Variants in MYO10 observed in about 807,000 individuals in gnomAD.
MYO10 encodes the protein myosin X, also known as unconventional myosin-X.
In MYO10, 133 loss-of-function variants were observed where a neutral mutation model predicts 257.3. The observed-to-expected ratio is 0.52, with a 90% CI of 0.45 to 0.60. MYO10 has a LOEUF of 0.60. MYO10 is among the 20% of genes least tolerant of loss of function. MYO10 has a pLI of 0.00. For synonymous variants in MYO10, 1,104 were observed against 1,028.6 expected (o/e 1.07, Z -1.40); for missense variants, 2,399 against 2,635.7 (o/e 0.91, Z 1.97).
Position 16,671,637 on chromosome 5 carries a change from A to G in MYO10, c.5310-95T>C, listed in dbSNP as rs954043857. The G allele has an allele frequency of 2.7e-6, 4 of 1,464,398 alleles. No individual in the cohort carries two copies. The African/African-American group carries it at 5.6e-5, about 21-fold the overall frequency. The allele number at this position is 1,464,398 out of a possible 1,614,324, so 90.7% of individuals were successfully genotyped here. A position where few individuals can be genotyped will look rare whatever the true frequency, so the allele number is the denominator to read the frequency against. On this transcript the variant is annotated intron_variant, in intron 37 of 40. Coordinates refer to ENST00000513610, the MANE Select transcript of MYO10 (RefSeq NM_012334.3). ...ACTTTACATGGTGTATTCTAAGGACACAGACATTCTGTCCGGGCCCAGAAA... is the reference window on the plus strand; with the variant it reads ...ACTTTACATGGTGTATTCTAAGGACGCAGACATTCTGTCCGGGCCCAGAAA...
At chr5:16,908,088 C>T (rs1307803557) in intron 1 of MYO10, among the ~76,000 whole-genome samples, 1 of 152,082 alleles carries the variant, frequency 6.6e-6, no homozygotes, top group African/African-American at 2.4e-5. Flanking sequence ...CAAACATCAG[C>T]TGGGTGTGGT....
At position 16,703,101 on chromosome 5, in the gene MYO10, T is replaced by A. The variant is rs765160803; in HGVS notation, c.2334A>T (p.Ala778=). The change falls in exon 23 of 41, where the codon GCA becomes GCT. Residue 778 remains alanine (A), a synonymous_variant. Transcript: ENST00000513610. The part of the protein sequence containing the change: ...CVVIIQKNYR[A]FLLRRRFLHL... Reference sequence around the variant, plus strand: ...GCAAAAATCTCCTCCTCAGAAGGAATGCTCTGTAATTCTTCTGTATTATCA... The same window carrying A: ...GCAAAAATCTCCTCCTCAGAAGGAAAGCTCTGTAATTCTTCTGTATTATCA... 2.5e-6 allele frequency: 4 copies of A among 1,589,110 alleles called. No individual in the cohort carries two copies. The highest frequency in any genetic ancestry group is 3.4e-6 in the Non-Finnish European group (4 of 1,166,442).
intron 2 of MYO10, among the ~76,000 whole-genome samples, chr5:16,866,978 CCACT>C (rs1396620363): frequency 6.6e-6 from 1 of 152,202 alleles, no homozygotes; most frequent in Non-Finnish European, 1.5e-5. Context: ...GGGCCAGCTG[CCACT>C]CACTCAGTCT....
At chr5:16,851,398 T>C (rs1743796439) in intron 2 of MYO10, among the ~76,000 whole-genome samples, 1 of 152,250 alleles carries the variant, frequency 6.6e-6, no homozygotes, top group Non-Finnish European at 1.5e-5. Flanking sequence ...CTTCAGTATA[T>C]GCAACAGAGA....
chr5:16,766,990 G>A (rs1424051035), intron 10 of MYO10, among the ~76,000 whole-genome samples: 2 of 151,598 alleles, frequency 1.3e-5, no homozygotes, highest in Non-Finnish European at 2.9e-5. Flanking sequence ...CTCCCAAAAT[G>A]TTGGGATTAC....
rs1021324649 is a variant in MYO10 at position 16,701,234 on chromosome 5, G to A, written c.3161C>T (p.Ala1054Val). 5.6e-6 allele frequency: 9 copies of A among 1,612,752 alleles called. No individual in the cohort carries two copies. The highest frequency in any genetic ancestry group is 2.7e-5 in the African/African-American group (2 of 74,896). Residue 1054 changes from alanine (A) to valine (V), a missense_variant, in exon 25 of 41, where the codon GCC (alanine) becomes GTC (valine). This residue lies in a region of MYO10 where 1,820 missense variants were observed against 1,939.4 expected (regional missense o/e 0.94). Coordinates refer to ENST00000513610, the MANE Select transcript of MYO10 (RefSeq NM_012334.3). This position sits in a 1 kb window ranked among gnomAD's most constrained non-coding sequence, Gnocchi z 8.1. ...SPSADSTVLL[A>V]PSVQDSGSLH... ...GCTCCCGGAGTCCTGCACTGATGGG[G>A]CGAGCAGCACCGTGCTGTCCGCACT... is the stretch of plus-strand genomic sequence containing the variant.
At position 16,874,877 on chromosome 5, in the gene MYO10, G is replaced by A. The variant is rs144007629; in HGVS notation, c.120+2732C>T. 3.4e-3 allele frequency among the ~76,000 whole-genome samples: 523 copies of A among 152,284 alleles called. 3 individuals are homozygous for A. Among genetic ancestry groups the A allele is most frequent in the Non-Finnish European group, 5.1e-3 (349 of 68,028 alleles). ...ATTAGTCCATTTTCACAACTGGGAA[G>A]AAAATGAGGTTTAATTGGACTTACA... On this transcript the variant is annotated intron_variant, in intron 2 of 40. Coordinates refer to ENST00000513610, the MANE Select transcript of MYO10 (RefSeq NM_012334.3).
At chr5:16,712,964 G>A (rs1436013451) in intron 19 of MYO10, among the ~76,000 whole-genome samples, 1 of 152,158 alleles carries the variant, frequency 6.6e-6, no homozygotes, top group Non-Finnish European at 1.5e-5. Context: ...GTTGGGGGGT[G>A]GCTGACTGTT....
chr5:16,788,439 G>C (rs922957573), intron 4 of MYO10, among the ~76,000 whole-genome samples: 2 of 152,152 alleles, frequency 1.3e-5, no homozygotes, highest in South Asian at 2.1e-4. Context: ...ATTTGGTGGC[G>C]GCGGGGAAGA....
chr5:16,761,357 CTAAG>C, intron 17 of MYO10, 103 bp downstream of exon 17: 1 of 869,756 alleles, frequency 1.1e-6, no homozygotes, highest in Non-Finnish European at 1.9e-6. Context: ...AAAAACAATA[CTAAG>C]TTTCTTACAT....
At chr5:16,728,551 G>T (rs1739460542) in intron 19 of MYO10, among the ~76,000 whole-genome samples, 1 of 151,166 alleles carries the variant, frequency 6.6e-6, no homozygotes, top group African/African-American at 2.4e-5. Context: ...TCTCCTTCCT[G>T]AATTAAAAGT....
intron 8 of MYO10, among the ~76,000 whole-genome samples, chr5:16,780,310 C>CG (rs1553995445): frequency 2.8e-5 from 2 of 70,456 alleles, no homozygotes; most frequent in East Asian, 6.3e-4. Flanking sequence ...TACCAAGACT[C>CG]AAAAAAAAAA....
chr5:16,862,899 T>C (rs1744146519), intron 2 of MYO10, among the ~76,000 whole-genome samples: 1 of 152,144 alleles, frequency 6.6e-6, no homozygotes, highest in South Asian at 2.1e-4. Context: ...GGGAAAAATC[T>C]GGACATACAA....
At chr5:16,788,916 G>A (rs540965505) in intron 4 of MYO10, among the ~76,000 whole-genome samples, 1 of 152,296 alleles carries the variant, frequency 6.6e-6, no homozygotes, top group South Asian at 2.1e-4. Flanking sequence ...ATCCAGTTGA[G>A]AGAGAGGTCA....
intron 19 of MYO10, among the ~76,000 whole-genome samples, chr5:16,711,611 G>A (rs997338125): frequency 1.3e-5 from 2 of 151,900 alleles, no homozygotes; most frequent in East Asian, 1.9e-4. Context: ...GTGAAACCCC[G>A]TCTCTACTAA....
chr5:16,738,449 G>C (rs1249548496), intron 19 of MYO10: 1 of 980,304 alleles, frequency 1.0e-6, no homozygotes, highest in African/African-American at 1.8e-5. Context: ...GAAATGTTTA[G>C]CAGTGAGGAG....
chr5:16,711,084 T>C (rs1738580798), intron 20 of MYO10, 37 bp downstream of exon 20: 6 of 1,612,916 alleles, frequency 3.7e-6, no homozygotes, highest in Non-Finnish European at 4.2e-6. Flanking sequence ...TCCAACCCCT[T>C]TGAAAAGAAA....
intron 2 of MYO10, among the ~76,000 whole-genome samples, chr5:16,832,575 GCTC>G (rs984956725): frequency 9.2e-5 from 14 of 152,094 alleles, no homozygotes; most frequent in East Asian, 1.9e-4. Context: ...TTGGCTGCTT[GCTC>G]CTCAACTACT....
intron 1 of MYO10, among the ~76,000 whole-genome samples, chr5:16,879,865 T>C (rs1483466249): frequency 6.6e-6 from 1 of 152,208 alleles, no homozygotes; most frequent in African/African-American, 2.4e-5. Context: ...TCAGTGCCCA[T>C]GATAACACTG....
Sources: gnomAD v4.1 joint callset for allele counts (sites outside exome capture counted in the v4.1 genomes callset) on GRCh38, gnomAD v4.1.1 for gene constraint, gnomAD v4.1.1 regional missense constraint, Gnocchi (gnomAD v3.1) non-coding constraint, MANE v1.5 for transcripts, NCBI Gene and HGNC (gene_info 2026-07-23, HGNC 2026-07-21) for gene names.